EFCAB8: variants seen among roughly 807,000 people sequenced by gnomAD.
The protein encoded by EFCAB8 is EF-hand calcium binding domain 8, also known as EF-hand calcium-binding domain-containing protein 8.
In EFCAB8, 100 loss-of-function variants were observed where a neutral mutation model predicts 116.3. The ratio of observed to expected loss-of-function variants is 0.86; its 90% CI spans 0.73 to 1.02. The LOEUF (loss-of-function observed/expected upper bound fraction) is 1.02. Among genes scored for constraint, EFCAB8 ranks in the 50% least tolerant of loss-of-function variants. The probability of loss-of-function intolerance (pLI) is 0.00; values close to 1 mark genes in which losing one functional copy is unlikely to be tolerated. For missense variants in EFCAB8, 1,320 were observed against 1,416.9 expected, an observed-to-expected ratio of 0.93 and a Z score of 1.10; for synonymous variants, 558 against 567.9, an observed-to-expected ratio of 0.98 and a Z score of 0.25.
At chr20:32,869,024 T>G (rs1406166946) in intron 3 of EFCAB8, among the ~76,000 whole-genome samples, 1 of 151,916 alleles carries the variant, frequency 6.6e-6, no homozygotes, top group African/African-American at 2.4e-5. Context: ...TGGAATCATC[T>G]TGGGGTTGAC....
At chr20:32,894,129 C>T (rs1272013096) in intron 9 of EFCAB8, among the ~76,000 whole-genome samples, 1 of 152,222 alleles carries the variant, frequency 6.6e-6, no homozygotes, top group African/African-American at 2.4e-5. Flanking sequence ...GTCTAGAATC[C>T]AGCCTTGCAT....
intron 7 of EFCAB8, 25 bp from the exon 8 acceptor site, chr20:32,892,188 A>G: frequency 6.5e-7 from 1 of 1,546,812 alleles, no homozygotes; most frequent in Non-Finnish European, 8.8e-7. Context: ...TGTGGGCTCT[A>G]TGTGGCCTTC....
At chr20:32,876,318 C>T (rs1285393364) in intron 4 of EFCAB8, among the ~76,000 whole-genome samples, 2 of 152,254 alleles carry the variant, frequency 1.3e-5, no homozygotes, top group Non-Finnish European at 2.9e-5. Flanking sequence ...TGCCACGCGG[C>T]TGTGGTGCCC....
At chr20:32,923,120 G>A (rs770438273) in intron 20 of EFCAB8, among the ~76,000 whole-genome samples, 2 of 152,154 alleles carry the variant, frequency 1.3e-5, no homozygotes, top group Non-Finnish European at 2.9e-5. Flanking sequence ...GGAGGTCAAG[G>A]ATGCAGTGAG....
intron 11 of EFCAB8, among the ~76,000 whole-genome samples, chr20:32,904,129 G>C (rs1568920630): frequency 6.6e-6 from 1 of 151,886 alleles, no homozygotes; most frequent in Non-Finnish European, 1.5e-5. Context: ...TAAGTAGCTG[G>C]GACTGCAGGT....
intron 5 of EFCAB8, among the ~76,000 whole-genome samples, chr20:32,879,349 C>T (rs1050520826): frequency 2.6e-5 from 4 of 152,234 alleles, no homozygotes; most frequent in African/African-American, 9.6e-5. Flanking sequence ...GGTGGCACCA[C>T]CCTGCCTTGG....
At chr20:32,891,162 T>C (rs1337010821) in intron 7 of EFCAB8, among the ~76,000 whole-genome samples, 2 of 152,150 alleles carry the variant, frequency 1.3e-5, no homozygotes, top group East Asian at 3.9e-4. Context: ...CAGGCTGGAG[T>C]GCAGTGGCAC....
chr20:32,902,785 C>T (rs552537087), intron 11 of EFCAB8, among the ~76,000 whole-genome samples: 1 of 152,354 alleles, frequency 6.6e-6, no homozygotes, highest in East Asian at 1.9e-4. Flanking sequence ...GCCTCAGCCT[C>T]CAAGGCAGTG....
intron 3 of EFCAB8, among the ~76,000 whole-genome samples, chr20:32,870,755 GCCTCCCA>G (rs1984642871): frequency 6.6e-6 from 1 of 152,120 alleles, no homozygotes; most frequent in African/African-American, 2.4e-5. Flanking sequence ...TTCTGCCTCT[GCCTCCCA>G]AAGTGTTGGG....
intron 15 of EFCAB8, 66 bp from the exon 16 acceptor site, chr20:32,911,414 G>T: frequency 7.3e-7 from 1 of 1,374,176 alleles, no homozygotes; most frequent in Non-Finnish European, 9.6e-7. Flanking sequence ...AAGGCAGGCT[G>T]GAGACCACCC....
intron 3 of EFCAB8, among the ~76,000 whole-genome samples, chr20:32,871,024 G>A (rs1411187076): frequency 6.6e-6 from 1 of 151,472 alleles, no homozygotes; most frequent in East Asian, 1.9e-4. Flanking sequence ...GGCTAATTTT[G>A]GTATTTTCAG....
At chr20:32,912,112 T>G (rs1220064590) in intron 16 of EFCAB8, among the ~76,000 whole-genome samples, 1 of 152,132 alleles carries the variant, frequency 6.6e-6, no homozygotes, top group Non-Finnish European at 1.5e-5. Flanking sequence ...CCACCCTAAC[T>G]TCTGTGACAC....
intron 10 of EFCAB8, 43 bp from the exon 11 acceptor site, chr20:32,898,450 T>G (rs1268436975): frequency 1.4e-6 from 1 of 703,756 alleles, no homozygotes; most frequent in Non-Finnish European, 2.7e-6. Flanking sequence ...CCTAGAAAGT[T>G]GTCCTTGGGT....
chr20:32,933,174 G>A (rs989189939), intron 22 of EFCAB8, among the ~76,000 whole-genome samples: 1 of 152,184 alleles, frequency 6.6e-6, no homozygotes, highest in Non-Finnish European at 1.5e-5. Flanking sequence ...GTAGCAACCA[G>A]TGTAGACCTG....
chr20:32,897,637 A>G (rs548640426), intron 10 of EFCAB8, among the ~76,000 whole-genome samples: 6 of 151,726 alleles, frequency 4.0e-5, no homozygotes, highest in South Asian at 2.1e-4. Context: ...GGGCCTCACT[A>G]TGTTGCCCAG....
At chr20:32,959,457 G>C (rs973082508) in intron 24 of EFCAB8, among the ~76,000 whole-genome samples, 1 of 152,190 alleles carries the variant, frequency 6.6e-6, no homozygotes, top group African/African-American at 2.4e-5. Flanking sequence ...CAAAGGCAGG[G>C]TTTCCCTGGG....
chr20:32,956,531 G>A (rs376069973), intron 23 of EFCAB8, among the ~76,000 whole-genome samples: 20 of 151,872 alleles, frequency 1.3e-4, no homozygotes, highest in East Asian at 3.9e-4. Context: ...TTATTTTGCC[G>A]TAAAATTTAA....
Position 32,912,800 on chromosome 20 carries a change from G to T in EFCAB8, c.1792G>T (p.Gly598Trp). Residue 598 changes from glycine (G) to tryptophan (W), a missense_variant, in exon 17 of 27, where the codon GGG becomes TGG. Coordinates refer to ENST00000400522, the MANE Select transcript of EFCAB8 (RefSeq NM_001143967.2). ...TTTCTTTCATCTTCAACAGATTAGT[G>T]GGATTATCCATATGAACAAAGTGTT... is the stretch of plus-strand genomic sequence containing the variant. ...FPSPEQLEIS[G>W]IIHMNKVFYV... 1.4e-6 allele frequency: 1 copy of T among 718,874 alleles called. No individual in the cohort carries two copies. The highest frequency in any genetic ancestry group is 1.5e-5 in the South Asian group (1 of 67,556). The allele number at this position is 718,874 out of a possible 1,614,324, so 44.5% of individuals were successfully genotyped here.
At chr20:32,864,306 G>C (rs1419787531) in intron 2 of EFCAB8, among the ~76,000 whole-genome samples, 1 of 151,904 alleles carries the variant, frequency 6.6e-6, no homozygotes, top group East Asian at 2.0e-4. Flanking sequence ...GCCTGAGACT[G>C]GGTATGGTGG....
Sources: allele counts gnomAD v4.1 joint callset (sites outside exome capture counted in the v4.1 genomes callset), GRCh38; gene constraint gnomAD v4.1.1; transcripts MANE v1.5; gene names NCBI Gene and HGNC (gene_info 2026-07-23, HGNC 2026-07-21).